ARFIP1: variants seen among roughly 807,000 people sequenced by gnomAD.
ARFIP1 encodes the protein arfaptin-1.
Under a neutral mutation model 42.5 loss-of-function variants are expected in ARFIP1, and 24 were observed. The ratio of observed to expected loss-of-function variants is 0.57; its 90% CI spans 0.41 to 0.80. The LOEUF (loss-of-function observed/expected upper bound fraction) is 0.80, where lower values mean the gene tolerates loss of function less well. Ranked by LOEUF, ARFIP1 falls within the 30% of genes least tolerant of loss-of-function variation. The pLI, the probability that ARFIP1 is intolerant of heterozygous loss-of-function variation, is 0.00. For synonymous variants in ARFIP1, 141 were observed against 153.7 expected (o/e 0.92, Z 0.61); for missense variants, 354 against 434.0 (o/e 0.82, Z 1.64).
chr4:152,855,786 G>T (rs1357713693), intron 2 of ARFIP1, among the ~76,000 whole-genome samples: 1 of 152,204 alleles, frequency 6.6e-6, no homozygotes, highest in Non-Finnish European at 1.5e-5. Context: ...CTGTAGCTAG[G>T]ATTGCAAGAG....
intron 2 of ARFIP1, among the ~76,000 whole-genome samples, chr4:152,855,790 G>C (rs1733381369): frequency 6.6e-6 from 1 of 152,204 alleles, no homozygotes; most frequent in African/African-American, 2.4e-5. Flanking sequence ...AGCTAGGATT[G>C]CAAGAGTCCA....
rs1728751154 is a variant in ARFIP1 at position 152,804,263 on chromosome 4, A to ATG, written c.-10+24038_-10+24039insGT. The stretch of plus-strand genomic sequence containing the variant: ...TATAATATATAATATAACATGTATT[A>ATG]TATATTATATATATAACATAACATG... On this transcript the variant is annotated intron_variant, in intron 1 of 8. Coordinates refer to ENST00000353617, the MANE Select transcript of ARFIP1 (RefSeq NM_001025595.3). Among the ~76,000 whole-genome samples the ATG allele has an allele frequency of 3.2e-5, 3 of 92,846 alleles. 1 individual carries two copies. The highest frequency in any genetic ancestry group is 1.4e-4 in the African/African-American group (3 of 21,072). The allele number at this position is 92,846 out of a possible 152,430, so 60.9% of individuals were successfully genotyped here.
intron 1 of ARFIP1, among the ~76,000 whole-genome samples, chr4:152,824,206 G>T (rs1008015342): frequency 6.6e-6 from 1 of 151,794 alleles, no homozygotes; most frequent in East Asian, 1.9e-4. Flanking sequence ...CCAGCTACTC[G>T]GGAGGCTGAG....
At chr4:152,825,636 AT>A (rs1730775974) in intron 1 of ARFIP1, among the ~76,000 whole-genome samples, 1 of 152,228 alleles carries the variant, frequency 6.6e-6, no homozygotes, top group Admixed American at 6.5e-5. Context: ...TAGGCAAAGA[AT>A]TTATGACTAA....
intron 2 of ARFIP1, among the ~76,000 whole-genome samples, chr4:152,844,855 A>C (rs1732405595): frequency 6.6e-6 from 1 of 152,160 alleles, no homozygotes; most frequent in South Asian, 2.1e-4. Context: ...CAGAACTAGA[A>C]AAAACTATCC....
intron 8 of ARFIP1, among the ~76,000 whole-genome samples, chr4:152,898,466 T>C (rs1318806982): frequency 6.6e-6 from 1 of 152,162 alleles, no homozygotes; most frequent in African/African-American, 2.4e-5. Flanking sequence ...TTTCTTCCCT[T>C]AAATTTTCAA....
intron 1 of ARFIP1, among the ~76,000 whole-genome samples, chr4:152,788,668 G>T (rs577908148): frequency 6.6e-6 from 1 of 152,074 alleles, no homozygotes; most frequent in African/African-American, 2.4e-5. Flanking sequence ...ATGACAGAGC[G>T]AGACTCCATC....
chr4:152,848,976 C>T (rs1732775034), intron 2 of ARFIP1, among the ~76,000 whole-genome samples: 2 of 152,092 alleles, frequency 1.3e-5, no homozygotes, highest in African/African-American at 2.4e-5. Flanking sequence ...CAGTTTTGAC[C>T]AAATATGTAT....
chr4:152,891,702 G>C (rs575307855), intron 8 of ARFIP1, among the ~76,000 whole-genome samples: 1 of 151,820 alleles, frequency 6.6e-6, no homozygotes, highest in Non-Finnish European at 1.5e-5. Context: ...TTGTTTGTTC[G>C]TTTGTTTGTT....
intron 1 of ARFIP1, among the ~76,000 whole-genome samples, chr4:152,797,115 C>G (rs1182309625): frequency 6.6e-6 from 1 of 152,084 alleles, no homozygotes; most frequent in African/African-American, 2.4e-5. Flanking sequence ...TATTTTATAT[C>G]TAGATTCCTA....
Position 152,855,854 on chromosome 4 carries a change from G to A in ARFIP1, c.94-7752G>A, listed in dbSNP as rs115909694. 8.3e-3 allele frequency among the ~76,000 whole-genome samples: 1,269 copies of A among 152,316 alleles called. 9 individuals are homozygous for A. Among genetic ancestry groups the A allele is most frequent in the Non-Finnish European group, 0.014 (958 of 68,024 alleles). ...GTCATTTACCTCTTTCCCATATTGG[G>A]AAGTCTCCCTTTGCCTCCCAGCTGA... On this transcript the variant is annotated intron_variant, in intron 2 of 8. Transcript: ENST00000353617.
chr4:152,894,047 G>A (rs1341199818), intron 8 of ARFIP1, among the ~76,000 whole-genome samples: 2 of 151,664 alleles, frequency 1.3e-5, no homozygotes, highest in Non-Finnish European at 2.9e-5. Context: ...GTGAAACCTC[G>A]TCTCTACTAA....
chr4:152,903,196 T>A (rs936537884), intron 8 of ARFIP1, among the ~76,000 whole-genome samples: 1 of 151,864 alleles, frequency 6.6e-6, no homozygotes, highest in Non-Finnish European at 1.5e-5. Flanking sequence ...GCAGAAAATC[T>A]TCTAAGTTTT....
At chr4:152,857,354 C>G (rs546244423) in intron 2 of ARFIP1, among the ~76,000 whole-genome samples, 1 of 152,254 alleles carries the variant, frequency 6.6e-6, no homozygotes, top group African/African-American at 2.4e-5. Context: ...AACATACTAA[C>G]TAAAATAAAT....
At chr4:152,851,292 C>CT (rs1445955657) in intron 2 of ARFIP1, among the ~76,000 whole-genome samples, 1 of 152,130 alleles carries the variant, frequency 6.6e-6, no homozygotes, top group Non-Finnish European at 1.5e-5. Flanking sequence ...ATAGCATGGT[C>CT]TGAGTACTGG....
intron 1 of ARFIP1, among the ~76,000 whole-genome samples, chr4:152,784,878 C>T (rs1730708417): frequency 6.6e-6 from 1 of 152,200 alleles, no homozygotes; most frequent in Non-Finnish European, 1.5e-5. Flanking sequence ...ATTGGACTAG[C>T]AGCTCCTTGA....
chr4:152,828,145 T>C (rs1730982744), intron 1 of ARFIP1, among the ~76,000 whole-genome samples: 1 of 152,228 alleles, frequency 6.6e-6, no homozygotes, highest in African/African-American at 2.4e-5. Context: ...TAAATTGTTA[T>C]AAATAAATAA....
At chr4:152,787,744 GA>G (rs1470341967) in intron 1 of ARFIP1, among the ~76,000 whole-genome samples, 1 of 152,198 alleles carries the variant, frequency 6.6e-6, no homozygotes, top group East Asian at 1.9e-4. Context: ...AGGTGTATAT[GA>G]AATGTAAATG....
intron 1 of ARFIP1, among the ~76,000 whole-genome samples, chr4:152,791,723 A>C (rs932920335): frequency 6.6e-6 from 1 of 152,198 alleles, no homozygotes; most frequent in African/African-American, 2.4e-5. Context: ...CCTACAAATA[A>C]GTATGACCAC....
Sources: allele counts gnomAD v4.1 joint callset (sites outside exome capture counted in the v4.1 genomes callset), GRCh38; gene constraint gnomAD v4.1.1; transcripts MANE v1.5; gene names NCBI Gene and HGNC (gene_info 2026-07-23, HGNC 2026-07-21).